MDH2: variants seen among roughly 807,000 people sequenced by gnomAD.
The protein encoded by MDH2 is malate dehydrogenase, mitochondrial.
Under a neutral mutation model 33.6 loss-of-function variants are expected in MDH2, and 25 were observed. That is an observed-to-expected ratio of 0.74 (90% confidence interval 0.54 to 1.04). The LOEUF is 1.04. Ranked by LOEUF, MDH2 falls within the 50% of genes least tolerant of loss-of-function variation. MDH2 has a pLI of 0.00. For missense variants in MDH2, 432 were observed against 445.0 expected (o/e 0.97, Z 0.26); for synonymous variants, 193 against 188.7 (o/e 1.02, Z -0.19).
At chr7:76,060,064 C>T (rs1164698011) in intron 4 of MDH2, among the ~76,000 whole-genome samples, 1 of 152,140 alleles carries the variant, frequency 6.6e-6, no homozygotes, top group Non-Finnish European at 1.5e-5. Context: ...AGTGGCCCTG[C>T]AGCTGTGAGT....
intron 5 of MDH2, among the ~76,000 whole-genome samples, chr7:76,061,106 G>A (rs1554586939): frequency 1.3e-5 from 2 of 152,092 alleles, no homozygotes; most frequent in Admixed American, 6.5e-5. Context: ...TGCCAGTGCC[G>A]GGCCTGGAGT....
intron 5 of MDH2, among the ~76,000 whole-genome samples, chr7:76,062,560 C>T (rs1394770598): frequency 4.6e-5 from 7 of 152,214 alleles, no homozygotes; most frequent in African/African-American, 4.8e-5. Context: ...CCATGGCCAT[C>T]GGGGCAGGTG....
In MDH2 at chr7:76,066,577, C is replaced by T. The variant is rs188846520; in HGVS notation, c.*167C>T. Reference sequence around the variant, plus strand: ...GCTCTGTGGGCGCATCAATAAAAGCCGTCCTTGATTTTATTTTTCAAGGTC... The same window carrying T: ...GCTCTGTGGGCGCATCAATAAAAGCTGTCCTTGATTTTATTTTTCAAGGTC... On this transcript the variant is annotated 3_prime_UTR_variant, in exon 9 of 9. Transcript: ENST00000315758. 7 of 785,628 alleles carry T rather than the reference C, an allele frequency of 8.9e-6. No homozygotes were observed. The highest frequency in any genetic ancestry group is 8.8e-5 in the African/African-American group (5 of 56,550). The allele number at this position is 785,628 out of a possible 1,614,324, so 48.7% of individuals were successfully genotyped here.
chr7:76,054,731 T>C (rs1342227988), intron 1 of MDH2, 99 bp from the exon 2 acceptor site: 2 of 1,345,258 alleles, frequency 1.5e-6, no homozygotes, highest in Non-Finnish European at 2.1e-6. Flanking sequence ...CTTTGGCAAC[T>C]GCAGTAAAAA....
At chr7:76,061,586 G>A (rs1797950654) in intron 5 of MDH2, among the ~76,000 whole-genome samples, 1 of 152,074 alleles carries the variant, frequency 6.6e-6, no homozygotes, top group Non-Finnish European at 1.5e-5. Context: ...ACTGCAATGA[G>A]CTGTGATTGC....
rs1797818927 is a variant in MDH2 at position 76,057,513 on chromosome 7, G to A, written c.319+20G>A. 6.2e-7 allele frequency: 1 copy of A among 1,609,990 alleles called. No homozygotes were observed. The highest frequency in any genetic ancestry group is 2.2e-5 in the East Asian group (1 of 44,876). On this transcript the variant is annotated intron_variant, in intron 3 of 8. Coordinates refer to ENST00000315758, the MANE Select transcript of MDH2 (RefSeq NM_005918.4). ...AGCCAGGTTTGTGTTTGAAAGCCTT[G>A]TCTGGTACCTCCCCACGTGAAGATG...
chr7:76,060,801 A>T (rs374624890), intron 5 of MDH2, among the ~76,000 whole-genome samples: 10 of 151,738 alleles, frequency 6.6e-5, no homozygotes, highest in Middle Eastern at 3.4e-3. Context: ...CTGGACTTGG[A>T]CGGGGCTCCC....
chr7:76,058,266 A>C, intron 4 of MDH2, 188 bp downstream of exon 4: 2 of 580,268 alleles, frequency 3.4e-6, no homozygotes, highest in Non-Finnish European at 3.1e-6. Flanking sequence ...CTTCCTAAGG[A>C]CTCCTTCCAG....
At position 76,048,179 on chromosome 7, in the gene MDH2, C is replaced by G; in HGVS notation, c.19C>G (p.Arg7Gly). 6.5e-7 allele frequency: 1 copy of G among 1,536,558 alleles called. No individual in the cohort carries two copies. Among genetic ancestry groups the G allele is most frequent in the Non-Finnish European group, 8.7e-7 (1 of 1,146,616 alleles). The change falls in exon 1 of 9, where the codon CGG becomes GGG. Residue 7 changes from arginine to glycine, a missense_variant. By Grantham distance (125) the Arg-to-Gly change is moderately radical (BLOSUM62 -2). Transcript: ENST00000315758. MLSALA[R>G]PASAALRRSF... ...TCCAGCCATGCTCTCCGCCCTCGCCCGGCCTGCCAGCGCTGCTCTCCGCCG... is the reference window on the plus strand; with the variant it reads ...TCCAGCCATGCTCTCCGCCCTCGCCGGGCCTGCCAGCGCTGCTCTCCGCCG...
chr7:76,049,028 A>T, intron 1 of MDH2: 1 of 978,458 alleles, frequency 1.0e-6, no homozygotes, highest in Non-Finnish European at 1.2e-6. Flanking sequence ...AATCTAATTA[A>T]ACCTAATTTT....
chr7:76,048,193 T>C lies in MDH2; in HGVS notation c.33T>C (p.Ala11=), dbSNP rs1554584467. The change falls in exon 1 of 9, where the codon GCT becomes GCC. Residue 11 remains alanine, a synonymous_variant. Transcript: ENST00000315758. ...CCGCCCTCGCCCGGCCTGCCAGCGC[T>C]GCTCTCCGCCGCAGCTTCAGCACCT... MLSALARPAS[A]ALRRSFSTSA... The C allele has an allele frequency of 6.5e-7, 1 of 1,536,630 alleles. No individual in the cohort carries two copies. Among genetic ancestry groups the C allele is most frequent in the Non-Finnish European group, 8.7e-7 (1 of 1,146,950 alleles).
At chr7:76,061,033 G>A (rs1554586932) in intron 5 of MDH2, among the ~76,000 whole-genome samples, 2 of 152,142 alleles carry the variant, frequency 1.3e-5, no homozygotes, top group Non-Finnish European at 2.9e-5. Context: ...CCAGGTGCCT[G>A]ACCCTAGGGC....
chr7:76,065,648 C>T (rs541729821), intron 8 of MDH2, among the ~76,000 whole-genome samples: 4 of 152,252 alleles, frequency 2.6e-5, no homozygotes, highest in South Asian at 4.1e-4. Flanking sequence ...GCAGGTGAGA[C>T]GCACCCGGTT....
At chr7:76,048,976 G>A (rs1797459616) in intron 1 of MDH2, 3 of 197,972 alleles carry the variant, frequency 1.5e-5, no homozygotes, top group Non-Finnish European at 1.2e-5. Flanking sequence ...AGAAGCTTAA[G>A]ACTGCGGGGG....
intron 5 of MDH2, 115 bp from the exon 6 acceptor site, chr7:76,063,400 C>G: frequency 1.0e-6 from 1 of 967,300 alleles, no homozygotes; most frequent in Non-Finnish European, 1.6e-6. Context: ...CTAGCTGGCT[C>G]TGTTCCACCC....
rs201575534 is a variant in MDH2 at position 76,060,447 on chromosome 7, C to T, written c.504C>T (p.Gly168=). The change falls in exon 5 of 9, where the codon GGC becomes GGT. Residue 168 remains glycine (G), a synonymous_variant. Transcript: ENST00000315758. ...TGTACAACCCCAACAAAATCTTCGG[C>T]GTGACGACCCTGGACATCGTCAGAG... is the stretch of plus-strand genomic sequence containing the variant. The part of the protein sequence containing the change: ...HGVYNPNKIF[G]VTTLDIVRAN... 330 of 1,614,096 alleles carry T rather than the reference C, an allele frequency of 2.0e-4. No individual in the cohort carries two copies. The highest frequency in any genetic ancestry group is 2.6e-4 in the Non-Finnish European group (308 of 1,180,022).
At chr7:76,064,021 C>T (rs1798024056) in intron 6 of MDH2, among the ~76,000 whole-genome samples, 1 of 151,856 alleles carries the variant, frequency 6.6e-6, no homozygotes, top group Non-Finnish European at 1.5e-5. Flanking sequence ...AGAGCCAGAC[C>T]CTGGCCTCAA....
chr7:76,060,239 C>T, intron 4 of MDH2, 134 bp from the exon 5 acceptor site: 1 of 1,171,798 alleles, frequency 8.5e-7, no homozygotes, highest in Non-Finnish European at 1.2e-6. Flanking sequence ...AGTTATCAGA[C>T]AGGGCAGTTT....
At position 76,058,413 on chromosome 7, in the gene MDH2, T is replaced by G. The variant is rs564333820; in HGVS notation, c.429+335T>G. 1.1e-4 allele frequency among the ~76,000 whole-genome samples: 16 copies of G among 152,248 alleles called. No individual in the cohort carries two copies. The South Asian group carries it at 3.3e-3, about 32-fold the overall frequency. ...GCCGTGATTGTGGTGGTCTCTTGAT[T>G]CCCTTTTTGACACAGTAGCTCCTAC... On this transcript the variant is annotated intron_variant, in intron 4 of 8. Transcript: ENST00000315758.
Sources: allele counts gnomAD v4.1 joint callset (sites outside exome capture counted in the v4.1 genomes callset), GRCh38; gene constraint gnomAD v4.1.1; transcripts MANE v1.5; gene names NCBI Gene and HGNC (gene_info 2026-07-23, HGNC 2026-07-21).